MX1: variants seen among roughly 807,000 people sequenced by gnomAD.
The protein encoded by MX1 is interferon-induced GTP-binding protein Mx1.
In MX1, 66 loss-of-function variants were observed where a neutral mutation model predicts 66.4. The ratio of observed to expected loss-of-function variants is 0.99; its 90% CI spans 0.82 to 1.22. MX1 has a LOEUF of 1.22. Ranked by LOEUF, MX1 falls within the 50% of genes most tolerant of loss-of-function variation. The pLI is 0.00. For synonymous variants in MX1, 311 were observed against 318.1 expected, an observed-to-expected ratio of 0.98 and a Z score of 0.24; for missense variants, 787 against 834.3, an observed-to-expected ratio of 0.94 and a Z score of 0.70.
At chr21:41,452,142 T>G (rs914080510) in intron 15 of MX1, among the ~76,000 whole-genome samples, 2 of 152,162 alleles carry the variant, frequency 1.3e-5, no homozygotes, top group African/African-American at 4.8e-5. Flanking sequence ...GCACTGTGCC[T>G]CTCCTCAAGG....
chr21:41,445,361 C>G (rs2090631654), intron 11 of MX1, 87 bp from the exon 12 acceptor site: 1 of 1,507,704 alleles, frequency 6.6e-7, no homozygotes, highest in South Asian at 1.2e-5. Context: ...GCCCACACAA[C>G]TCCTCTGCAG....
At position 41,441,333 on chromosome 21, in the gene MX1, A is replaced by G; in HGVS notation, c.730+308A>G. 2.3e-6 allele frequency: 1 copy of G among 438,744 alleles called. No homozygotes were observed. The highest frequency in any genetic ancestry group is 4.2e-6 in the Non-Finnish European group (1 of 236,904). 27.2% of individuals were successfully genotyped at this position (438,744 alleles called of 1,614,324 possible). ...CTGGCTAGGTTGCCTTGTAAGCCTTATCTACTTGCTCAGAAAGGCACAGTG... is the reference window on the plus strand; with the variant it reads ...CTGGCTAGGTTGCCTTGTAAGCCTTGTCTACTTGCTCAGAAAGGCACAGTG... On this transcript the variant is annotated intron_variant, in intron 9 of 16. Transcript: ENST00000398598. The surrounding 1 kb of genome is among the most constrained non-coding windows in gnomAD (Gnocchi z 4.0).
intron 7 of MX1, among the ~76,000 whole-genome samples, chr21:41,438,818 A>T (rs937192269): frequency 6.6e-6 from 1 of 152,218 alleles, no homozygotes; most frequent in African/African-American, 2.4e-5. Context: ...ACCAGAGCTG[A>T]TTGGGGATTC....
chr21:41,445,967 A>G (rs1229025926), intron 12 of MX1, 33 bp from the exon 13 acceptor site: 15 of 1,605,898 alleles, frequency 9.3e-6, no homozygotes, highest in Non-Finnish European at 1.1e-5. Context: ...TTTGAAGTCT[A>G]TCCACTTATA....
At chr21:41,455,328 G>A (rs761384690) in intron 16 of MX1, among the ~76,000 whole-genome samples, 7 of 152,234 alleles carry the variant, frequency 4.6e-5, no homozygotes, top group Non-Finnish European at 8.8e-5. Flanking sequence ...GGAGCTGCAT[G>A]CACGTGAGTG....
At chr21:41,452,560 T>TCCTGAG in intron 15 of MX1, 61 bp from the exon 16 acceptor site, 1 of 1,543,110 alleles carries the variant, frequency 6.5e-7, no homozygotes, top group Non-Finnish European at 8.7e-7. Context: ...CTTACCTACT[T>TCCTGAG]TCCTGTGACT....
At chr21:41,432,773 T>A (rs560370690) in intron 5 of MX1, among the ~76,000 whole-genome samples, 3 of 152,304 alleles carry the variant, frequency 2.0e-5, no homozygotes, top group Admixed American at 2.0e-4. Context: ...GCAGGGAGTG[T>A]CCAGGTACTC....
At chr21:41,444,314 C>CTT (rs1300035216) in intron 11 of MX1, among the ~76,000 whole-genome samples, 2 of 103,306 alleles carry the variant, frequency 1.9e-5, no homozygotes, top group Non-Finnish European at 2.0e-5. Flanking sequence ...CTTTTCTTTT[C>CTT]TTTCTTTTTT....
chr21:41,426,590 G>A (rs2090066331), intron 1 of MX1: 1 of 152,184 alleles, frequency 6.6e-6, no homozygotes, highest in Non-Finnish European at 1.5e-5. Context: ...GGTCTCCGAG[G>A]GACTCTAGTA....
intron 16 of MX1, among the ~76,000 whole-genome samples, chr21:41,454,028 C>T (rs2146354205): frequency 6.6e-6 from 1 of 152,294 alleles, no homozygotes; most frequent in Non-Finnish European, 1.5e-5. Context: ...TTAATCTCTC[C>T]TAGATTCAGG....
At chr21:41,431,286 G>A (rs2090204550) in intron 4 of MX1, among the ~76,000 whole-genome samples, 1 of 152,168 alleles carries the variant, frequency 6.6e-6, no homozygotes, top group African/African-American at 2.4e-5. Flanking sequence ...GTCTCCCAAA[G>A]TGCTGGGTGG....
intron 4 of MX1, 40 bp from the exon 5 acceptor site, chr21:41,432,010 A>C: frequency 6.4e-7 from 1 of 1,561,058 alleles, no homozygotes; most frequent in Non-Finnish European, 8.8e-7. Context: ...GAATGCACCC[A>C]GCTGCTTATC....
intron 16 of MX1, 68 bp downstream of exon 16, chr21:41,452,937 T>C: frequency 6.4e-7 from 1 of 1,573,288 alleles, no homozygotes; most frequent in Non-Finnish European, 8.6e-7. Context: ...CCTCTCTCTT[T>C]AGTCTTGCTC....
At chr21:41,427,090 A>G (rs1008131891) in intron 1 of MX1, 116 bp from the exon 2 acceptor site, 7 of 152,388 alleles carry the variant, frequency 4.6e-5, no homozygotes, top group Middle Eastern at 3.4e-3. Context: ...TATTTGGTTA[A>G]ATTTTAAATC....
intron 8 of MX1, among the ~76,000 whole-genome samples, chr21:41,440,408 C>T (rs530622597): frequency 1.3e-5 from 2 of 152,276 alleles, no homozygotes; most frequent in East Asian, 3.9e-4. Flanking sequence ...TTGCTTGAAC[C>T]AGGGAGGCTG....
At chr21:41,452,013 G>A (rs1417794764) in intron 15 of MX1, among the ~76,000 whole-genome samples, 1 of 152,026 alleles carries the variant, frequency 6.6e-6, no homozygotes, top group Admixed American at 6.6e-5. Flanking sequence ...GAGGCCTTGG[G>A]ATGTGCCACT....
At chr21:41,431,046 G>A (rs984568823) in intron 4 of MX1, among the ~76,000 whole-genome samples, 11 of 152,026 alleles carry the variant, frequency 7.2e-5, no homozygotes, top group Non-Finnish European at 1.2e-4. Context: ...TTTTTAAGAC[G>A]GGGTCTCGCT....
intron 7 of MX1, among the ~76,000 whole-genome samples, chr21:41,439,237 C>T (rs1170109331): frequency 6.6e-6 from 1 of 152,084 alleles, no homozygotes; most frequent in Non-Finnish European, 1.5e-5. Flanking sequence ...AATAAAATCT[C>T]TTAATGGGAT....
chr21:41,434,328 T>A (rs996728803), intron 5 of MX1, among the ~76,000 whole-genome samples: 3 of 152,206 alleles, frequency 2.0e-5, no homozygotes, highest in African/African-American at 7.2e-5. Flanking sequence ...ACTTCACTAT[T>A]TTGATTACTT....
Sources: allele counts gnomAD v4.1 joint callset (sites outside exome capture counted in the v4.1 genomes callset), GRCh38; gene constraint gnomAD v4.1.1; non-coding constraint Gnocchi (gnomAD v3.1); transcripts MANE v1.5; gene names NCBI Gene and HGNC (gene_info 2026-07-23, HGNC 2026-07-21).